Variants in SBF2 observed in about 807,000 individuals in gnomAD.
SBF2 encodes myotubularin-related protein 13.
In SBF2, 112 loss-of-function variants were observed where a neutral mutation model predicts 225.2. That is an observed-to-expected ratio of 0.50 (90% CI 0.43 to 0.58). The LOEUF is 0.58. Among genes scored for constraint, SBF2 ranks in the 20% least tolerant of loss-of-function variants. The probability of loss-of-function intolerance (pLI) is 0.00; values close to 1 mark genes in which losing one functional copy is unlikely to be tolerated. For missense variants in SBF2, 1,996 were observed against 2,206.2 expected, an observed-to-expected ratio of 0.90 and a Z score of 1.91; for synonymous variants, 763 against 773.3, an observed-to-expected ratio of 0.99 and a Z score of 0.22.
intron 1 of SBF2, among the ~76,000 whole-genome samples, chr11:10,212,958 A>C (rs939731670): frequency 8.5e-5 from 13 of 152,088 alleles, no homozygotes; most frequent in Admixed American, 3.3e-4. Flanking sequence ...CTGAAGCAGG[A>C]GAATCGCTTG....
intron 33 of SBF2, among the ~76,000 whole-genome samples, chr11:9,793,689 C>G (rs980366471): frequency 6.6e-6 from 1 of 152,020 alleles, no homozygotes; most frequent in Non-Finnish European, 1.5e-5. Flanking sequence ...CCGTGCCTGG[C>G]CTTACCTGGG....
intron 2 of SBF2, among the ~76,000 whole-genome samples, chr11:10,072,911 T>TATC (rs1331946956): frequency 4.8e-4 from 42 of 87,872 alleles, no homozygotes; most frequent in South Asian, 1.0e-3. Flanking sequence ...TTATTATTAT[T>TATC]ATCATCATCA....
At chr11:10,183,994 G>A (rs561237923) in intron 2 of SBF2, among the ~76,000 whole-genome samples, 2 of 152,220 alleles carry the variant, frequency 1.3e-5, no homozygotes, top group South Asian at 4.1e-4. Flanking sequence ...GATTCTGAAC[G>A]TTCACAACAC....
At chr11:10,192,391 A>G (rs1362012165) in intron 2 of SBF2, among the ~76,000 whole-genome samples, 1 of 152,196 alleles carries the variant, frequency 6.6e-6, no homozygotes, top group East Asian at 1.9e-4. Context: ...TCAGTGAAGC[A>G]AAACTGGACA....
chr11:9,987,283 T>G (rs1209154423), intron 13 of SBF2, among the ~76,000 whole-genome samples: 3 of 152,094 alleles, frequency 2.0e-5, no homozygotes, highest in Non-Finnish European at 4.4e-5. Context: ...CTTAATGTAA[T>G]AAAAGCCATC....
chr11:10,217,135 T>C (rs1958162820), intron 1 of SBF2, among the ~76,000 whole-genome samples: 1 of 152,154 alleles, frequency 6.6e-6, no homozygotes, highest in Non-Finnish European at 1.5e-5. Flanking sequence ...ATATTAAATA[T>C]TAACATAGCA....
chr11:10,059,041 G>C (rs1950344884), intron 2 of SBF2, among the ~76,000 whole-genome samples: 1 of 152,164 alleles, frequency 6.6e-6, no homozygotes, highest in Non-Finnish European at 1.5e-5. Context: ...ACTTCTACCA[G>C]CTAATACAAA....
At chr11:10,169,246 G>A (rs1298923658) in intron 2 of SBF2, among the ~76,000 whole-genome samples, 1 of 151,996 alleles carries the variant, frequency 6.6e-6, no homozygotes, top group Non-Finnish European at 1.5e-5. Context: ...TAGTCACCCT[G>A]TTGTGCTATA....
intron 1 of SBF2, among the ~76,000 whole-genome samples, chr11:10,197,277 A>G (rs1204308827): frequency 6.6e-6 from 1 of 152,218 alleles, no homozygotes; most frequent in African/African-American, 2.4e-5. Flanking sequence ...GGAAACAATT[A>G]CAGTCATACT....
upstream of SBF2, among the ~76,000 whole-genome samples, chr11:10,296,483 G>A (rs183350986): frequency 6.6e-6 from 1 of 152,114 alleles, no homozygotes; most frequent in Non-Finnish European, 1.5e-5. Context: ...AACAGCAGGA[G>A]AAAGACCCGC....
intron 32 of SBF2, among the ~76,000 whole-genome samples, chr11:9,798,951 CAAA>C (rs11452749): frequency 7.4e-6 from 1 of 135,398 alleles, no homozygotes; most frequent in African/African-American, 2.8e-5. Context: ...GACTCCGTCT[CAAA>C]AAAAAAAAAA....
At chr11:10,139,411 T>A (rs117182910) in intron 2 of SBF2, among the ~76,000 whole-genome samples, 1 of 152,144 alleles carries the variant, frequency 6.6e-6, no homozygotes, top group African/African-American at 2.4e-5. Context: ...AAGACTGTAG[T>A]CACTAGATAT....
chr11:10,235,798 G>A (rs1352480111), intron 1 of SBF2, among the ~76,000 whole-genome samples: 1 of 152,046 alleles, frequency 6.6e-6, no homozygotes, highest in Non-Finnish European at 1.5e-5. Flanking sequence ...TTCAAGATAG[G>A]TAGCAAATTT....
At chr11:9,797,281 T>G (rs1853181359) in intron 32 of SBF2, among the ~76,000 whole-genome samples, 1 of 152,230 alleles carries the variant, frequency 6.6e-6, no homozygotes, top group Non-Finnish European at 1.5e-5. Context: ...TTATCAAAAT[T>G]TATCATCTGG....
At chr11:10,059,463 T>C (rs576001027) in intron 2 of SBF2, among the ~76,000 whole-genome samples, 6 of 152,060 alleles carry the variant, frequency 3.9e-5, no homozygotes, top group Non-Finnish European at 7.4e-5. Context: ...GACCTAACTA[T>C]CCTAAATTAA....
chr11:10,120,686 T>A (rs12224149), intron 2 of SBF2, among the ~76,000 whole-genome samples: 32,730 of 152,134 alleles, frequency 0.22, 3,948 homozygotes, highest in East Asian at 0.47. Flanking sequence ...AGTGGCGTGA[T>A]CTCAGCTCAC....
intron 2 of SBF2, among the ~76,000 whole-genome samples, chr11:10,107,331 A>G (rs1952599927): frequency 6.6e-6 from 1 of 152,244 alleles, no homozygotes; most frequent in Non-Finnish European, 1.5e-5. Context: ...TTCGTCAATA[A>G]AAGATGAATT....
intron 2 of SBF2, among the ~76,000 whole-genome samples, chr11:10,080,239 ACT>A (rs1261620423): frequency 7.6e-6 from 1 of 132,244 alleles, no homozygotes; most frequent in Non-Finnish European, 1.6e-5. Context: ...TAAGAGCGAA[ACT>A]CTGTCTCAAA....
At chr11:9,992,894 T>C in intron 11 of SBF2, 96 bp downstream of exon 11, 1 of 831,746 alleles carries the variant, frequency 1.2e-6, no homozygotes, top group Non-Finnish European at 1.9e-6. Context: ...ATTTGATAAA[T>C]CAAGGTCAAA....
Sources: gnomAD v4.1 joint callset for allele counts (sites outside exome capture counted in the v4.1 genomes callset) on GRCh38, gnomAD v4.1.1 for gene constraint, MANE v1.5 for transcripts, NCBI Gene and HGNC (gene_info 2026-07-23, HGNC 2026-07-21) for gene names.